Variants in HOOK3 observed in about 807,000 individuals in gnomAD.
The protein encoded by HOOK3 is protein Hook homolog 3.
HOOK3 carries 24 observed loss-of-function variants against 116.3 expected under a neutral mutation model. The ratio of observed to expected loss-of-function variants is 0.21; its 90% CI spans 0.15 to 0.29. The LOEUF (loss-of-function observed/expected upper bound fraction) is 0.29. HOOK3 is among the 10% of genes least tolerant of loss of function. HOOK3 has a pLI of 1.00. For synonymous variants in HOOK3, 275 were observed against 283.0 expected, an observed-to-expected ratio of 0.97 and a Z score of 0.28; for missense variants, 632 against 830.2, an observed-to-expected ratio of 0.76 and a Z score of 2.93.
At chr8:42,904,418 T>C (rs1807261464) in intron 1 of HOOK3, among the ~76,000 whole-genome samples, 1 of 151,184 alleles carries the variant, frequency 6.6e-6, no homozygotes, top group Admixed American at 6.6e-5. Context: ...CAAGCGATTC[T>C]CCTGCATCAG....
intron 5 of HOOK3, among the ~76,000 whole-genome samples, chr8:42,948,223 A>G (rs2130392822): frequency 6.6e-6 from 1 of 152,316 alleles, no homozygotes; most frequent in East Asian, 1.9e-4. Context: ...TTCCACATTT[A>G]AACTTAATAC....
chr8:43,013,018 C>T, intron 19 of HOOK3, 33 bp from the exon 20 acceptor site: 1 of 1,335,212 alleles, frequency 7.5e-7, no homozygotes, highest in South Asian at 1.3e-5. Flanking sequence ...AAGTTTGAGA[C>T]TTTTTAAATT....
chr8:42,951,849 G>A, intron 6 of HOOK3, among the ~76,000 whole-genome samples: 1 of 151,934 alleles, frequency 6.6e-6, no homozygotes, highest in South Asian at 2.1e-4. Context: ...GCTGAGGCAG[G>A]AAAATTGCTT....
chr8:43,025,595 A>G lies in HOOK3; in HGVS notation c.*7097A>G, dbSNP rs1305036563. On this transcript the variant is annotated 3_prime_UTR_variant, in exon 22 of 22. Transcript: ENST00000307602. The stretch of plus-strand genomic sequence containing the variant: ...TGAGTATTAACTAGGTGCATAATGT[A>G]GTTGTATATGTTTACTAGTAAAGGG... The G allele has an allele frequency of 1.4e-5, 3 of 210,612 alleles. No homozygotes were observed. The Admixed American group carries it at 1.8e-4, about 12-fold the overall frequency. 13.0% of individuals were successfully genotyped at this position (210,612 alleles called of 1,614,324 possible). A position where few individuals can be genotyped will look rare whatever the true frequency, so the allele number is the denominator to read the frequency against.
intron 16 of HOOK3, 28 bp downstream of exon 16, chr8:42,997,665 T>TC: frequency 8.7e-7 from 1 of 1,153,716 alleles, no homozygotes. Flanking sequence ...CCAACGATGG[T>TC]CCATCAGTTT....
At chr8:42,947,641 T>C (rs1051969335) in intron 5 of HOOK3, among the ~76,000 whole-genome samples, 1 of 152,174 alleles carries the variant, frequency 6.6e-6, no homozygotes, top group African/African-American at 2.4e-5. Flanking sequence ...CTCAGGAACA[T>C]AGTAGAGTGC....
At chr8:43,009,366 A>G (rs1296992761) in intron 18 of HOOK3, among the ~76,000 whole-genome samples, 5 of 151,908 alleles carry the variant, frequency 3.3e-5, no homozygotes, top group Non-Finnish European at 1.5e-5. Flanking sequence ...AGATCTCGCC[A>G]CTGTGCTCCA....
chr8:42,994,431 T>C, intron 15 of HOOK3: 1 of 415,272 alleles, frequency 2.4e-6, no homozygotes, highest in South Asian at 1.7e-5. Context: ...TTTTTTGATG[T>C]AGGTACTTGT....
chr8:42,904,064 T>C (rs1248478123), intron 1 of HOOK3, among the ~76,000 whole-genome samples: 2 of 152,164 alleles, frequency 1.3e-5, no homozygotes, highest in African/African-American at 4.8e-5. Flanking sequence ...TTTAGGGCAG[T>C]TTGACAGTTT....
intron 4 of HOOK3, among the ~76,000 whole-genome samples, chr8:42,939,828 T>G (rs1378728495): frequency 7.0e-6 from 1 of 143,008 alleles, no homozygotes; most frequent in East Asian, 2.2e-4. Flanking sequence ...GCAGAGACGC[T>G]CCTCACATCC....
At chr8:42,948,526 C>T (rs1808278099) in intron 5 of HOOK3, among the ~76,000 whole-genome samples, 1 of 152,162 alleles carries the variant, frequency 6.6e-6, no homozygotes. Flanking sequence ...ACCTACTAAC[C>T]CCTCACCCCT....
chr8:42,917,598 G>A (rs968080637), intron 2 of HOOK3, among the ~76,000 whole-genome samples: 2 of 152,160 alleles, frequency 1.3e-5, no homozygotes, highest in African/African-American at 4.8e-5. Context: ...GGAAATAAGG[G>A]ACAGAGACCA....
In HOOK3 at chr8:42,956,521, T is replaced by G. The variant is rs917706504; in HGVS notation, c.469-573T>G. 3.9e-5 allele frequency among the ~76,000 whole-genome samples: 6 copies of G among 152,262 alleles called. 1 individual carries two copies. In the South Asian group the frequency reaches 1.2e-3, roughly 32 times the overall value. On this transcript the variant is annotated intron_variant, in intron 6 of 21. Coordinates refer to ENST00000307602, the MANE Select transcript of HOOK3 (RefSeq NM_032410.4). ...TATTATTTTATTTACTTTTTTTCTCTTGCCGTGTCTTATGGTGCTGATAGA... is the reference window on the plus strand; with the variant it reads ...TATTATTTTATTTACTTTTTTTCTCGTGCCGTGTCTTATGGTGCTGATAGA...
intron 19 of HOOK3, among the ~76,000 whole-genome samples, chr8:43,011,458 T>A (rs1809611268): frequency 6.6e-6 from 1 of 151,992 alleles, no homozygotes; most frequent in Admixed American, 6.6e-5. Flanking sequence ...CATGTGTGTG[T>A]GTGTGTGTGT....
rs1047318218 is a variant in HOOK3 at position 42,966,415 on chromosome 8, A to G, written c.780-58A>G. 2.5e-6 allele frequency: 4 copies of G among 1,568,906 alleles called. No homozygotes were observed. In the African/African-American group the frequency reaches 5.4e-5, roughly 21 times the overall value. On this transcript the variant is annotated intron_variant, in intron 9 of 21. Coordinates refer to ENST00000307602, the MANE Select transcript of HOOK3 (RefSeq NM_032410.4). The stretch of plus-strand genomic sequence containing the variant: ...CTTTATATCTTTCTTTTACTGTTCT[A>G]AGGAGAATGAGGAGGCAGTAAATAG...
At chr8:42,958,596 GTTTTT>G (rs71550434) in intron 7 of HOOK3, among the ~76,000 whole-genome samples, 1 of 106,370 alleles carries the variant, frequency 9.4e-6, no homozygotes, top group East Asian at 2.8e-4. Flanking sequence ...GTTTTTGATA[GTTTTT>G]TTTTTTTTTT....
chr8:42,913,136 G>T (rs1384618174), intron 2 of HOOK3, among the ~76,000 whole-genome samples: 1 of 151,632 alleles, frequency 6.6e-6, no homozygotes, highest in Admixed American at 6.6e-5. Flanking sequence ...AGATGAAAGT[G>T]ACATATAATA....
intron 4 of HOOK3, among the ~76,000 whole-genome samples, chr8:42,938,217 C>CTTTTTTTTTTTTT (rs145868661): frequency 2.4e-4 from 32 of 132,260 alleles, no homozygotes; most frequent in African/African-American, 3.2e-4. Context: ...GCAACCCCTG[C>CTTTTTTTTTTTTT]TTTTTTTTTT....
chr8:42,909,499 T>C (rs1362912015), intron 2 of HOOK3, among the ~76,000 whole-genome samples: 7 of 152,238 alleles, frequency 4.6e-5, no homozygotes, highest in Non-Finnish European at 1.0e-4. Flanking sequence ...GGTCTCACTC[T>C]GTCACTCAGG....
Sources: allele counts gnomAD v4.1 joint callset (sites outside exome capture counted in the v4.1 genomes callset), GRCh38; gene constraint gnomAD v4.1.1; transcripts MANE v1.5; gene names NCBI Gene and HGNC (gene_info 2026-07-23, HGNC 2026-07-21).